The following UGT2B7 variants were observed in gnomAD, a reference collection of about 807,000 sequenced individuals.
The protein encoded by UGT2B7 is UDP-glucuronosyltransferase 2B7.
A neutral mutation model predicts 51.9 loss-of-function variants in UGT2B7; 51 were observed. That is an observed-to-expected ratio of 0.98 (90% CI 0.78 to 1.24). The LOEUF (loss-of-function observed/expected upper bound fraction) is 1.24, where lower values mean the gene tolerates loss of function less well. Ranked by LOEUF, UGT2B7 falls within the 50% of genes most tolerant of loss-of-function variation. The pLI, the probability that UGT2B7 is intolerant of heterozygous loss-of-function variation, is 0.00. For synonymous variants in UGT2B7, 225 were observed against 211.6 expected, an observed-to-expected ratio of 1.06 and a Z score of -0.55; for missense variants, 727 against 628.4, an observed-to-expected ratio of 1.16 and a Z score of -1.68.
At chr4:69,064,207 G>A (rs1192526009) in intron 1 of UGT2B7, among the ~76,000 whole-genome samples, 2 of 152,214 alleles carry the variant, frequency 1.3e-5, no homozygotes, top group South Asian at 2.1e-4. Flanking sequence ...AGCAACGGGT[G>A]CAGCCCAGAC....
chr4:69,101,946 G>C (rs1719431111), intron 2 of UGT2B7, among the ~76,000 whole-genome samples: 1 of 152,122 alleles, frequency 6.6e-6, no homozygotes, highest in African/African-American at 2.4e-5. Context: ...CTGCCTCTGA[G>C]ACACAACAAA....
chr4:69,090,208 C>G (rs547733726), intron 2 of UGT2B7, among the ~76,000 whole-genome samples: 1 of 152,196 alleles, frequency 6.6e-6, no homozygotes, highest in South Asian at 2.1e-4. Context: ...TTGGGTAGTA[C>G]TATTTATGCA....
At chr4:69,077,491 G>T (rs1446313848) in intron 1 of UGT2B7, among the ~76,000 whole-genome samples, 1 of 151,458 alleles carries the variant, frequency 6.6e-6, no homozygotes, top group Non-Finnish European at 1.5e-5. Flanking sequence ...CCTTGAAGAG[G>T]TCATTCACAT....
At chr4:69,105,820 T>G (rs1160394178) in intron 3 of UGT2B7, among the ~76,000 whole-genome samples, 1 of 152,150 alleles carries the variant, frequency 6.6e-6, no homozygotes, top group African/African-American at 2.4e-5. Flanking sequence ...AGTAGCTTAT[T>G]TATGGACTTG....
chr4:69,082,430 C>T (rs140700797), intron 1 of UGT2B7, among the ~76,000 whole-genome samples: 140 of 151,564 alleles, frequency 9.2e-4, no homozygotes, highest in Non-Finnish European at 1.4e-3. Context: ...ACAAAGTTCA[C>T]GAAGGAAATT....
At chr4:69,075,743 T>C (rs1441507443) in intron 1 of UGT2B7, among the ~76,000 whole-genome samples, 3 of 152,130 alleles carry the variant, frequency 2.0e-5, no homozygotes, top group Non-Finnish European at 4.4e-5. Context: ...GGGTAGTTTG[T>C]TATAAAGTGA....
chr4:69,110,508 A>T (rs1192338157), intron 5 of UGT2B7, among the ~76,000 whole-genome samples: 2 of 152,088 alleles, frequency 1.3e-5, no homozygotes, highest in Admixed American at 1.3e-4. Flanking sequence ...ATTGTCCAAA[A>T]ATTGTTAGCA....
chr4:69,071,207 T>C (rs1718592445), intron 1 of UGT2B7, among the ~76,000 whole-genome samples: 1 of 152,084 alleles, frequency 6.6e-6, no homozygotes, highest in South Asian at 2.1e-4. Context: ...TGTTACATGA[T>C]TTCTCTCTTG....
At chr4:69,107,402 A>G (rs1341336517) in intron 4 of UGT2B7, 140 bp downstream of exon 4, 3 of 1,003,196 alleles carry the variant, frequency 3.0e-6, no homozygotes, top group Non-Finnish European at 4.1e-6. Flanking sequence ...TCCAGTCTTA[A>G]GGGAGAAAGA....
chr4:69,112,621 A>C lies in UGT2B7; in HGVS notation c.1475A>C (p.Asp492Ala), dbSNP rs1374460754. 2 of 1,613,744 alleles carry C rather than the reference A, an allele frequency of 1.2e-6. No homozygotes were observed. The highest frequency in any genetic ancestry group is 1.7e-6 in the Non-Finnish European group (2 of 1,179,872). Residue 492 changes from aspartate (D) to alanine (A), a missense_variant, in exon 6 of 6, where the codon GAT becomes GCT. Transcript: ENST00000305231. ...DLTWFQYHSLDVIGFLLVCVA... is the reference protein window; with the variant it reads ...DLTWFQYHSLAVIGFLLVCVA... ...ACCTGGTTCCAGTACCACTCTTTGG[A>C]TGTGATTGGGTTCCTGCTGGTCTGT...
At chr4:69,081,901 A>G (rs1718846505) in intron 1 of UGT2B7, among the ~76,000 whole-genome samples, 1 of 152,092 alleles carries the variant, frequency 6.6e-6, no homozygotes, top group African/African-American at 2.4e-5. Flanking sequence ...TTTTTTACAC[A>G]AATTGTATGC....
chr4:69,055,618 A>G (rs1417224479), intron 1 of UGT2B7, among the ~76,000 whole-genome samples: 2 of 152,200 alleles, frequency 1.3e-5, no homozygotes, highest in East Asian at 3.8e-4. Context: ...TTGTTTTTGC[A>G]ATTAGCCGAA....
chr4:69,064,851 G>A (rs193252896), intron 1 of UGT2B7, among the ~76,000 whole-genome samples: 1 of 152,176 alleles, frequency 6.6e-6, no homozygotes. Flanking sequence ...ACAGCACAAA[G>A]AGTGTTGCTG....
chr4:69,081,878 G>T (rs7699711), intron 1 of UGT2B7, among the ~76,000 whole-genome samples: 87,703 of 151,910 alleles, frequency 0.58, 26,312 homozygotes, highest in African/African-American at 0.71. Context: ...ACATATTTAG[G>T]TTTTTTTGTT....
At chr4:69,089,790 T>A (rs956867314) in intron 2 of UGT2B7, among the ~76,000 whole-genome samples, 1 of 152,224 alleles carries the variant, frequency 6.6e-6, no homozygotes. Context: ...TGCTTGAAGT[T>A]ACTTTGGAAA....
chr4:69,053,636 T>A (rs1429271269), intron 1 of UGT2B7, among the ~76,000 whole-genome samples: 1 of 152,184 alleles, frequency 6.6e-6, no homozygotes, highest in Non-Finnish European at 1.5e-5. Flanking sequence ...TGGGTCAGCC[T>A]CCGAGGGCCA....
At position 69,097,100 on chromosome 4, in the gene UGT2B7, G is replaced by T. The variant is rs143338928; in HGVS notation, c.580G>T (p.Val194Leu). The T allele has an allele frequency of 1.2e-6, 2 of 1,613,462 alleles. No homozygotes were observed. Among genetic ancestry groups the T allele is most frequent in the African/African-American group, 1.3e-5 (1 of 74,856 alleles). ...SGGFIFPPSY[V>L]PVVMSELTDQ... is the part of the protein sequence containing the mutation. ...AGGATTTATTTTCCCTCCTTCCTACGTACCTGTTGTTATGTCAGAATTAAC... is the reference window on the plus strand; with the variant it reads ...AGGATTTATTTTCCCTCCTTCCTACTTACCTGTTGTTATGTCAGAATTAAC... The change falls in exon 1 of 6, where the codon GTA becomes TTA. Residue 194 changes from valine (V) to leucine (L), a missense_variant. Val to Leu is a conservative substitution (Grantham distance 32, BLOSUM62 1). Coordinates refer to ENST00000305231, the MANE Select transcript of UGT2B7 (RefSeq NM_001074.4).
chr4:69,094,129 C>CTTT (rs71204074), upstream of UGT2B7, among the ~76,000 whole-genome samples: 13 of 54,116 alleles, frequency 2.4e-4, no homozygotes, highest in Non-Finnish European at 3.7e-4. Flanking sequence ...GTTTTGGTTT[C>CTTT]TTTTTTTTTT....
chr4:69,075,548 G>A (rs1016152695), intron 1 of UGT2B7, among the ~76,000 whole-genome samples: 1 of 152,180 alleles, frequency 6.6e-6, no homozygotes, highest in Non-Finnish European at 1.5e-5. Flanking sequence ...AGGAATTTGA[G>A]TCTTTTGACA....
Sources: gnomAD v4.1 joint callset for allele counts (sites outside exome capture counted in the v4.1 genomes callset) on GRCh38, gnomAD v4.1.1 for gene constraint, MANE v1.5 for transcripts, NCBI Gene and HGNC (gene_info 2026-07-23, HGNC 2026-07-21) for gene names.